Variants in NTN3 observed in about 807,000 individuals in gnomAD.
NTN3 encodes the protein netrin 3.
Under a neutral mutation model 37.2 loss-of-function variants are expected in NTN3, and 44 were observed. The ratio of observed to expected loss-of-function variants is 1.18; its 90% CI spans 0.93 to 1.52. NTN3 has a LOEUF of 1.52. NTN3 is among the 40% of genes most tolerant of loss of function. The pLI is 0.00. For missense variants in NTN3, 882 were observed against 857.3 expected (o/e 1.03, Z -0.36); for synonymous variants, 385 against 376.0 (o/e 1.02, Z -0.28).
chr16:2,473,768 C>G lies in NTN3; in HGVS notation c.1406C>G (p.Ala469Gly). ...GCTCTCCCCGCAGCGGTGCAGGTGG[C>G]GGTGGGTGCGCGCGGCGAGGCGCGC... ...FCKKDYAVQV[A>G]VGARGEARGA... is the part of the protein sequence containing the mutation. The change falls in exon 6 of 6, where the codon GCG becomes GGG. Residue 469 changes from alanine to glycine, a missense_variant. Ala to Gly is a moderately conservative substitution (Grantham distance 60). Coordinates refer to ENST00000293973, the MANE Select transcript of NTN3 (RefSeq NM_006181.3). The G allele has an allele frequency of 7.2e-7, 1 of 1,390,904 alleles. No individual in the cohort carries two copies. Among genetic ancestry groups the G allele is most frequent in the Non-Finnish European group, 9.2e-7 (1 of 1,082,784 alleles). The allele number at this position is 1,390,904 out of a possible 1,614,324, so 86.2% of individuals were successfully genotyped here.
rs1399866523 is a variant in NTN3, at chr16:2,473,769, G to T, written c.1407G>T (p.Ala469=). 10 of 1,390,512 alleles carry T rather than the reference G, an allele frequency of 7.2e-6. No individual in the cohort carries two copies. The highest frequency in any genetic ancestry group is 8.3e-6 in the Non-Finnish European group (9 of 1,082,680). 86.1% of individuals were successfully genotyped at this position (1,390,512 alleles called of 1,614,324 possible). A position where few individuals can be genotyped will look rare whatever the true frequency, so the allele number is the denominator to read the frequency against. The part of the protein sequence containing the change: ...FCKKDYAVQV[A]VGARGEARGA... Reference sequence around the variant, plus strand: ...CTCTCCCCGCAGCGGTGCAGGTGGCGGTGGGTGCGCGCGGCGAGGCGCGCG... The same window carrying T: ...CTCTCCCCGCAGCGGTGCAGGTGGCTGTGGGTGCGCGCGGCGAGGCGCGCG... Residue 469 remains alanine (A), a synonymous_variant, in exon 6 of 6, where the codon GCG becomes GCT. Transcript: ENST00000293973.
chr16:2,473,534 C>T (rs2065536177), intron 5 of NTN3, 31 bp downstream of exon 5: 2 of 1,589,978 alleles, frequency 1.3e-6, no homozygotes, highest in Non-Finnish European at 1.7e-6. Context: ...CGCGGACCTT[C>T]CCACCTTCCT....
rs762972651 is a variant in NTN3, at chr16:2,473,108, G to A, written c.1241G>A (p.Ser414Asn). The change falls in exon 3 of 6, where the codon AGC becomes AAC. Residue 414 changes from serine to asparagine, a missense_variant. Coordinates refer to ENST00000293973, the MANE Select transcript of NTN3 (RefSeq NM_006181.3). Reference protein sequence around the residue: ...CNRCAPGFQQSRSPVAPCVKT... With the variant: ...CNRCAPGFQQNRSPVAPCVKT... ...CGCTGCGCGCCTGGCTTCCAGCAAAGCCGCTCCCCAGTGGCGCCCTGTGTT... is the reference window on the plus strand; with the variant it reads ...CGCTGCGCGCCTGGCTTCCAGCAAAACCGCTCCCCAGTGGCGCCCTGTGTT... 2 of 1,607,810 alleles carry A rather than the reference G, an allele frequency of 1.2e-6. No individual in the cohort carries two copies. Among genetic ancestry groups the A allele is most frequent in the Admixed American group, 1.7e-5 (1 of 59,870 alleles).
At position 2,473,538 on chromosome 16, in the gene NTN3, C is replaced by G. The variant is rs768184203; in HGVS notation, c.1393+35C>G. 16 of 1,579,198 alleles carry G rather than the reference C, an allele frequency of 1.0e-5. No homozygotes were observed. The South Asian group carries it at 1.5e-4, about 15-fold the overall frequency. On this transcript the variant is annotated intron_variant, in intron 5 of 5. Transcript: ENST00000293973. ...CTCAGGCCTCCCGCGGACCTTCCCA[C>G]CTTCCTCCTCTCCCTACCTTCCCTC...
intron 1 of NTN3, 29 bp from the exon 2 acceptor site, chr16:2,472,672 G>T (rs2141845145): frequency 6.2e-7 from 1 of 1,606,078 alleles, no homozygotes; most frequent in South Asian, 1.1e-5. Flanking sequence ...GACACAACCA[G>T]CCTGCCCCTG....
rs749211936 is a variant in NTN3 at position 2,472,052 on chromosome 16, G to A, written c.351G>A (p.Leu117=). The A allele has an allele frequency of 1.2e-4, 201 of 1,608,900 alleles. No homozygotes were observed. The highest frequency in any genetic ancestry group is 1.6e-4 in the Non-Finnish European group (190 of 1,179,262). The stretch of plus-strand genomic sequence containing the variant: ...TGCCCCTGGGCAAGGCTTTTGAGCT[G>A]GTCTTCGTGAGCCTGCGCTTCTGCT... ...LTVPLGKAFE[L]VFVSLRFCSA... is the part of the protein sequence containing the mutation. Residue 117 remains leucine (L), a synonymous_variant, in exon 1 of 6, where the codon CTG becomes CTA. Coordinates refer to ENST00000293973, the MANE Select transcript of NTN3 (RefSeq NM_006181.3).
chr16:2,471,677 T>C lies in NTN3; in HGVS notation c.-25T>C. On this transcript the variant is annotated 5_prime_UTR_variant, in exon 1 of 6. Transcript: ENST00000293973. The stretch of plus-strand genomic sequence containing the variant: ...GGGCAGCGTCTTGGGGCCCGGCCAC[T>C]GGCTGACCCGCAGCGGCTCCGGCCA... 3.8e-6 allele frequency: 5 copies of C among 1,310,722 alleles called. No individual in the cohort carries two copies. The highest frequency in any genetic ancestry group is 4.8e-6 in the Non-Finnish European group (5 of 1,033,168). 81.2% of individuals were successfully genotyped at this position (1,310,722 alleles called of 1,614,324 possible).
Position 2,472,613 on chromosome 16 carries a change from A to T in NTN3, c.912A>T (p.Glu304Asp), listed in dbSNP as rs745463080. ...CATGGCAGCGGGCCACTGCCCGGGAATCCCACGCCTGCCTCGGTGAGGCCT... is the reference window on the plus strand; with the variant it reads ...CATGGCAGCGGGCCACTGCCCGGGATTCCCACGCCTGCCTCGGTGAGGCCT... ...DRPWQRATAR[E>D]SHACLACSCN... The change falls in exon 1 of 6, where the codon GAA becomes GAT. Residue 304 changes from glutamate to aspartate, a missense_variant. Transcript: ENST00000293973. The T allele has an allele frequency of 4.4e-5, 70 of 1,595,154 alleles. No homozygotes were observed. Among genetic ancestry groups the T allele is most frequent in the Non-Finnish European group, 5.6e-5 (66 of 1,168,526 alleles).
Position 2,471,726 on chromosome 16 carries a change from C to T in NTN3, c.25C>T (p.Leu9=). The change falls in exon 1 of 6, where the codon CTG becomes TTG. Residue 9 remains leucine (L), a synonymous_variant. Transcript: ENST00000293973. The part of the protein sequence containing the change: MPGWPWGL[L]LTAGTLFAAL... ...CATGCCTGGCTGGCCCTGGGGGCTG[C>T]TGCTGACGGCAGGCACGCTCTTCGC... 1 of 1,373,704 alleles carries T rather than the reference C, an allele frequency of 7.3e-7. No homozygotes were observed. The highest frequency in any genetic ancestry group is 9.3e-7 in the Non-Finnish European group (1 of 1,070,352). 85.1% of individuals were successfully genotyped at this position (1,373,704 alleles called of 1,614,324 possible).
rs751408258 is a variant in NTN3 at position 2,473,745 on chromosome 16, T to A, written c.1394-11T>A. 1 of 1,418,056 alleles carries A rather than the reference T, an allele frequency of 7.1e-7. No individual in the cohort carries two copies. Among genetic ancestry groups the A allele is most frequent in the South Asian group, 1.5e-5 (1 of 65,442 alleles). 87.8% of individuals were successfully genotyped at this position (1,418,056 alleles called of 1,614,324 possible). ...CCTTCCTGACCCCGCCCCCTCTCGC[T>A]CTCCCCGCAGCGGTGCAGGTGGCGG... On this transcript the variant is annotated splice_polypyrimidine_tract_variant and intron_variant, in intron 5 of 5. Coordinates refer to ENST00000293973, the MANE Select transcript of NTN3 (RefSeq NM_006181.3).
In NTN3 at chr16:2,471,951, C is replaced by T. The variant is rs779475893; in HGVS notation, c.250C>T (p.Pro84Ser). ...ACACTCCCCCGCCCTCCTTACTTCC[C>T]CAGGGGGCACGGCCAGCCCTCTGTG... ...RAHSPALLTS[P>S]GGTASPLCWR... is the part of the protein sequence containing the mutation. Residue 84 changes from proline to serine, a missense_variant, in exon 1 of 6, where the codon CCA becomes TCA. Physicochemically the swap from Pro to Ser is moderately conservative, Grantham distance 74. Coordinates refer to ENST00000293973, the MANE Select transcript of NTN3 (RefSeq NM_006181.3). The T allele has an allele frequency of 4.2e-5, 65 of 1,562,690 alleles. No homozygotes were observed. The highest frequency in any genetic ancestry group is 5.5e-5 in the Non-Finnish European group (64 of 1,160,424).
chr16:2,472,923 C>T (rs747163625), intron 2 of NTN3, 34 bp downstream of exon 2: 1 of 1,580,530 alleles, frequency 6.3e-7, no homozygotes, highest in South Asian at 1.1e-5. Context: ...AGGCCCTCAC[C>T]CTCTGACTTC....
Position 2,472,989 on chromosome 16 carries a change from CGACT to C in NTN3, c.1124_1127del (p.Asp375ValfsTer81). On this transcript the variant is annotated frameshift_variant, in exon 3 of 6. Coordinates refer to ENST00000293973, the MANE Select transcript of NTN3 (RefSeq NM_006181.3). LOFTEE classifies it high-confidence loss of function. ...CCTTCCCACCTCTGTCCTCAGCCTG[CGACT>C]GTCACCCGGTTGGTGCTGCTGGCAA... 1 of 1,599,856 alleles carries C rather than the reference CGACT, an allele frequency of 6.3e-7. No individual in the cohort carries two copies.
At position 2,472,297 on chromosome 16, in the gene NTN3, G is replaced by GC. The variant is rs1434575931; in HGVS notation, c.602dup (p.Gly202ArgfsTer27). On this transcript the variant is annotated frameshift_variant, in exon 1 of 6. Coordinates refer to ENST00000293973, the MANE Select transcript of NTN3 (RefSeq NM_006181.3). LOFTEE classifies it high-confidence loss of function. ...CTGGCCTTCAGCATGCAGGACAGCA[G>GC]CCCCCCAGGCCTGGACCTGGACAGC... 3 of 1,607,154 alleles carry GC rather than the reference G, an allele frequency of 1.9e-6. No homozygotes were observed. The highest frequency in any genetic ancestry group is 2.6e-6 in the Non-Finnish European group (3 of 1,176,292).
intron 3 of NTN3, 61 bp downstream of exon 3, chr16:2,473,195 T>G: frequency 6.3e-7 from 1 of 1,597,116 alleles, no homozygotes. Context: ...CCTGCTGTTG[T>G]CCCGTCTATT....
rs907230252 is a variant in NTN3, at chr16:2,471,664, G to A, written c.-38G>A. ...TTCTTTTCCCCAAGGGCAGCGTCTTGGGGCCCGGCCACTGGCTGACCCGCA... is the reference window on the plus strand; with the variant it reads ...TTCTTTTCCCCAAGGGCAGCGTCTTAGGGCCCGGCCACTGGCTGACCCGCA... On this transcript the variant is annotated 5_prime_UTR_variant, in exon 1 of 6. Coordinates refer to ENST00000293973, the MANE Select transcript of NTN3 (RefSeq NM_006181.3). 1.6e-5 allele frequency: 20 copies of A among 1,288,174 alleles called. No homozygotes were observed. The African/African-American group carries it at 2.7e-4, about 17-fold the overall frequency. The allele number at this position is 1,288,174 out of a possible 1,614,324, so 79.8% of individuals were successfully genotyped here.
rs2065539893 is a variant in NTN3 at position 2,473,886 on chromosome 16, C to G, written c.1524C>G (p.Pro508=). Residue 508 remains proline (P), a synonymous_variant, in exon 6 of 6, where the codon CCC becomes CCG. Transcript: ENST00000293973. ...ARRGSSALWV[P]AGDAACGCPR... is the part of the protein sequence containing the mutation. ...GCGGGAGTAGCGCGCTGTGGGTGCC[C>G]GCCGGGGATGCGGCCTGCGGCTGCC... 3 of 1,237,482 alleles carry G rather than the reference C, an allele frequency of 2.4e-6. No individual in the cohort carries two copies. The highest frequency in any genetic ancestry group is 3.0e-6 in the Non-Finnish European group (3 of 991,678). The allele number at this position is 1,237,482 out of a possible 1,614,324, so 76.7% of individuals were successfully genotyped here.
At position 2,471,658 on chromosome 16, in the gene NTN3, C is replaced by T. The variant is rs1044427776; in HGVS notation, c.-44C>T. On this transcript the variant is annotated 5_prime_UTR_variant, in exon 1 of 6. Transcript: ENST00000293973. ...GAGGGCTTCTTTTCCCCAAGGGCAG[C>T]GTCTTGGGGCCCGGCCACTGGCTGA... The T allele has an allele frequency of 5.6e-6, 7 of 1,253,038 alleles. No individual in the cohort carries two copies. The highest frequency in any genetic ancestry group is 7.1e-6 in the Non-Finnish European group (7 of 982,810). 77.6% of individuals were successfully genotyped at this position (1,253,038 alleles called of 1,614,324 possible). A position where few individuals can be genotyped will look rare whatever the true frequency, so the allele number is the denominator to read the frequency against.
intron 3 of NTN3, 55 bp downstream of exon 3, chr16:2,473,189 C>T: frequency 1.9e-6 from 3 of 1,596,604 alleles, no homozygotes; most frequent in Non-Finnish European, 2.6e-6. Flanking sequence ...CAGCTCCCTG[C>T]TGTTGTCCCG....
Sources: gnomAD v4.1 joint callset for allele counts on GRCh38, gnomAD v4.1.1 for gene constraint, MANE v1.5 for transcripts, NCBI Gene and HGNC (gene_info 2026-07-23, HGNC 2026-07-21) for gene names.